Variants in OPHN1 observed in about 807,000 individuals in gnomAD.
OPHN1 encodes the protein oligophrenin 1.
In OPHN1, 11 loss-of-function variants were observed where a neutral mutation model predicts 60.7. The observed-to-expected ratio is 0.18, with a 90% CI of 0.11 to 0.30. OPHN1 has a LOEUF of 0.30. Ranked by LOEUF, OPHN1 falls within the 10% of genes least tolerant of loss-of-function variation. The pLI, the probability that OPHN1 is intolerant of heterozygous loss-of-function variation, is 1.00. For missense variants in OPHN1, 449 were observed against 611.0 expected (o/e 0.73, Z 2.80); for synonymous variants, 226 against 222.6 (o/e 1.02, Z -0.14).
chrX:68,064,817 G>A (rs1465212825), intron 20 of OPHN1, among the ~76,000 whole-genome samples: 3 of 111,717 alleles, frequency 2.7e-5, no homozygotes, highest in African/African-American at 6.5e-5. Flanking sequence ...TAATTTTTTA[G>A]TGATTCACAG....
chrX:68,430,843 AAAAG>A (rs1409213902), intron 2 of OPHN1, among the ~76,000 whole-genome samples: 1 of 111,632 alleles, frequency 9.0e-6, no homozygotes, highest in Non-Finnish European at 1.9e-5. Flanking sequence ...AATTGAAAAA[AAAAG>A]AAAGAAAAGG....
At chrX:68,049,968 A>T (rs1287451111) in intron 23 of OPHN1, among the ~76,000 whole-genome samples, 1 of 112,293 alleles carries the variant, frequency 8.9e-6, no homozygotes, top group Non-Finnish European at 1.9e-5. Context: ...TAAGGGGGTG[A>T]TGTCATTCAA....
chrX:68,319,593 G>C (rs2078225487), intron 2 of OPHN1, among the ~76,000 whole-genome samples: 1 of 110,115 alleles, frequency 9.1e-6, no homozygotes, highest in Non-Finnish European at 1.9e-5. Context: ...AAAATTGGCT[G>C]AGTGTGGTGG....
intron 6 of OPHN1, 35 bp from the exon 7 acceptor site, chrX:68,214,007 G>T: frequency 1.2e-6 from 1 of 841,480 alleles, no homozygotes; most frequent in Non-Finnish European, 1.8e-6. Flanking sequence ...TACATATTGG[G>T]ATATTCATTC....
chrX:68,301,618 A>T (rs1204602736), intron 2 of OPHN1, among the ~76,000 whole-genome samples: 1 of 111,399 alleles, frequency 9.0e-6, no homozygotes, highest in Non-Finnish European at 1.9e-5. Flanking sequence ...ATCCATAGAT[A>T]ACCTAGAAAT....
intron 4 of OPHN1, among the ~76,000 whole-genome samples, chrX:68,280,542 G>T (rs1448392289): frequency 1.8e-5 from 2 of 111,598 alleles, no homozygotes; most frequent in African/African-American, 6.5e-5. Flanking sequence ...CTGTTGAAAA[G>T]AAAGGGATTT....
At chrX:68,384,825 G>A (rs1288491198) in intron 2 of OPHN1, among the ~76,000 whole-genome samples, 2 of 111,520 alleles carry the variant, frequency 1.8e-5, no homozygotes, top group Non-Finnish European at 1.9e-5. Flanking sequence ...ATCAAATATT[G>A]TATGTTCTCG....
intron 2 of OPHN1, among the ~76,000 whole-genome samples, chrX:68,327,931 G>A (rs1452774243): frequency 6.9e-5 from 7 of 101,803 alleles, no homozygotes; most frequent in East Asian, 3.0e-4. Context: ...CTGGGTTCAC[G>A]CCATTCTCCT....
In OPHN1 at chrX:68,043,312, G is replaced by T. The variant is rs1262584737; in HGVS notation, c.*3860C>A. 1 of 79,993 alleles carries T rather than the reference G, an allele frequency of 1.3e-5. No homozygotes were observed. The highest frequency in any genetic ancestry group is 5.1e-5 in the African/African-American group (1 of 19,514). 6.6% of individuals were successfully genotyped at this position (79,993 alleles called of 1,213,427 possible). On this transcript the variant is annotated 3_prime_UTR_variant, in exon 25 of 25. Coordinates refer to ENST00000355520, the MANE Select transcript of OPHN1 (RefSeq NM_002547.3). The stretch of plus-strand genomic sequence containing the variant: ...GGTGCAGCGCACCAGCATGGCACAT[G>T]TATACATATGTAACTAACCTGCACA...
chrX:68,336,827 G>A, intron 2 of OPHN1, among the ~76,000 whole-genome samples: 1 of 110,647 alleles, frequency 9.0e-6, no homozygotes, highest in Non-Finnish European at 1.9e-5. Context: ...ACCGAGGTGG[G>A]AGGATCACTT....
chrX:68,243,593 G>A (rs1271443665), intron 5 of OPHN1, among the ~76,000 whole-genome samples: 4 of 110,627 alleles, frequency 3.6e-5, no homozygotes, highest in Non-Finnish European at 7.6e-5. Context: ...TCACCATGTT[G>A]GCCAGGCAGG....
rs62607134 is a variant in OPHN1 at position 68,227,402 on chromosome X, C to T, written c.486+7085G>A. Among the ~76,000 whole-genome samples the T allele has an allele frequency of 8.4e-3, 934 of 111,038 alleles. 6 individuals carry two copies. Among genetic ancestry groups the T allele is most frequent in the Non-Finnish European group, 0.011 (585 of 52,988 alleles). Reference sequence around the variant, plus strand: ...GAACTGAACTCAGCTCTGCACCAAGCGGACCTAATAGACATCTACAGAACT... The same window carrying T: ...GAACTGAACTCAGCTCTGCACCAAGTGGACCTAATAGACATCTACAGAACT... On this transcript the variant is annotated intron_variant, in intron 6 of 24. Coordinates refer to ENST00000355520, the MANE Select transcript of OPHN1 (RefSeq NM_002547.3).
intron 5 of OPHN1, among the ~76,000 whole-genome samples, chrX:68,240,021 G>A (rs2077773063): frequency 9.0e-6 from 1 of 111,295 alleles, no homozygotes; most frequent in Non-Finnish European, 1.9e-5. Context: ...ATGTTGGCCA[G>A]GCAGATCTCA....
intron 2 of OPHN1, among the ~76,000 whole-genome samples, chrX:68,402,425 A>G (rs1339260935): frequency 9.0e-6 from 1 of 110,942 alleles, no homozygotes; most frequent in African/African-American, 3.3e-5. Context: ...AGAAAAGAGA[A>G]GAGCCTGTCT....
At position 68,044,860 on chromosome X, in the gene OPHN1, T is replaced by A. The variant is rs1323438450; in HGVS notation, c.*2312A>T. ...CAACACACAGCAATCTCATGACATTTCTGGGACATATTTTCTACTGGGATC... is the reference window on the plus strand; with the variant it reads ...CAACACACAGCAATCTCATGACATTACTGGGACATATTTTCTACTGGGATC... On this transcript the variant is annotated 3_prime_UTR_variant, in exon 25 of 25. Coordinates refer to ENST00000355520, the MANE Select transcript of OPHN1 (RefSeq NM_002547.3). 3 of 112,504 alleles carry A rather than the reference T, an allele frequency of 2.7e-5. No homozygotes were observed. The highest frequency in any genetic ancestry group is 9.7e-5 in the African/African-American group (3 of 30,941). The allele number at this position is 112,504 out of a possible 1,213,427, so 9.3% of individuals were successfully genotyped here.
chrX:68,417,597 G>A (rs913951936), intron 2 of OPHN1, among the ~76,000 whole-genome samples: 1 of 112,588 alleles, frequency 8.9e-6, no homozygotes, highest in African/African-American at 3.2e-5. Flanking sequence ...ATCTTTGCTG[G>A]TTTAATGGAG....
At chrX:68,337,469 C>T (rs1252594316) in intron 2 of OPHN1, among the ~76,000 whole-genome samples, 3 of 111,788 alleles carry the variant, frequency 2.7e-5, no homozygotes, top group East Asian at 2.8e-4. Context: ...TCAATAGTAA[C>T]ATTCAACAGA....
chrX:68,236,773 A>G (rs1468153908), intron 5 of OPHN1, among the ~76,000 whole-genome samples: 1 of 112,133 alleles, frequency 8.9e-6, no homozygotes, highest in African/African-American at 3.2e-5. Flanking sequence ...TGGATGTACT[A>G]TGTTTCCTTT....
chrX:68,397,673 C>A (rs1425751392), intron 2 of OPHN1, among the ~76,000 whole-genome samples: 1 of 107,590 alleles, frequency 9.3e-6, no homozygotes, highest in East Asian at 2.9e-4. Context: ...CAGGCACCCA[C>A]CACCACGCCC....
Sources: allele counts gnomAD v4.1 joint callset (sites outside exome capture counted in the v4.1 genomes callset), GRCh38; gene constraint gnomAD v4.1.1; transcripts MANE v1.5; gene names NCBI Gene and HGNC (gene_info 2026-07-23, HGNC 2026-07-21).